Variants in SORBS2 observed in about 807,000 individuals in gnomAD.
SORBS2 encodes the protein sorbin and SH3 domain-containing protein 2.
In SORBS2, 46 loss-of-function variants were observed where a neutral mutation model predicts 97.7. That is an observed-to-expected ratio of 0.47 (90% CI 0.37 to 0.60). The LOEUF is 0.60. Ranked by LOEUF, SORBS2 falls within the 20% of genes least tolerant of loss-of-function variation. The pLI is 0.00. For missense variants in SORBS2, 1,316 were observed against 1,282.3 expected, an observed-to-expected ratio of 1.03 and a Z score of -0.40; for synonymous variants, 476 against 473.4, an observed-to-expected ratio of 1.01 and a Z score of -0.07.
chr4:185,898,543 T>C (rs1313487346), intron 1 of SORBS2, among the ~76,000 whole-genome samples: 2 of 152,200 alleles, frequency 1.3e-5, no homozygotes, highest in African/African-American at 4.8e-5. Context: ...TTGGAGGCAG[T>C]GTTGCTTGGG....
Position 185,614,821 on chromosome 4 carries a change from G to A in SORBS2, c.2595+10C>T, listed in dbSNP as rs780301779. On this transcript the variant is annotated intron_variant, in intron 11 of 14. Coordinates refer to ENST00000418609, the Ensembl canonical transcript of SORBS2. ...ACAAAAACAAACAAACAAAAAACCA[G>A]CTGGGCTACCTTTCTCAGTGACAGC... is the stretch of plus-strand genomic sequence containing the variant. The A allele has an allele frequency of 6.2e-7, 1 of 1,613,392 alleles. No individual in the cohort carries two copies. The highest frequency in any genetic ancestry group is 1.7e-5 in the Admixed American group (1 of 59,922).
chr4:185,589,827 C>G (rs369719481), intron 13 of SORBS2, 42 bp from the exon 26 acceptor site: 34 of 1,030,808 alleles, frequency 3.3e-5, no homozygotes, highest in African/African-American at 3.0e-4. Context: ...CATCTTGACA[C>G]CTTCATGAAA....
chr4:185,727,671 A>G (rs2098567804), intron 2 of SORBS2, among the ~76,000 whole-genome samples: 1 of 152,376 alleles, frequency 6.6e-6, no homozygotes, highest in African/African-American at 2.4e-5. Flanking sequence ...TTATTAAACC[A>G]TTTTGTAACA....
intron 2 of SORBS2, among the ~76,000 whole-genome samples, chr4:185,760,519 C>T (rs1011486845): frequency 6.6e-6 from 1 of 152,110 alleles, no homozygotes; most frequent in East Asian, 1.9e-4. Context: ...GCTGAGATCG[C>T]GCCATTGCGC....
intron 2 of SORBS2, among the ~76,000 whole-genome samples, chr4:185,747,652 T>C (rs2098771202): frequency 6.6e-6 from 1 of 152,140 alleles, no homozygotes; most frequent in Non-Finnish European, 1.5e-5. Flanking sequence ...GTCAGGGCAG[T>C]GGTTTCTCCT....
At chr4:185,628,079 C>T (rs1286283874) in intron 5 of SORBS2, among the ~76,000 whole-genome samples, 1 of 152,190 alleles carries the variant, frequency 6.6e-6, no homozygotes. Flanking sequence ...TGTATCCATT[C>T]ACCTATTGAA....
chr4:185,716,361 G>A (rs938396181), intron 2 of SORBS2, among the ~76,000 whole-genome samples: 2 of 152,152 alleles, frequency 1.3e-5, no homozygotes, highest in Admixed American at 6.5e-5. Flanking sequence ...GGATAACAAC[G>A]GTGCCAACCT....
chr4:185,725,447 C>T (rs1223770993), intron 2 of SORBS2, among the ~76,000 whole-genome samples: 2 of 152,150 alleles, frequency 1.3e-5, no homozygotes, highest in African/African-American at 4.8e-5. Flanking sequence ...ATTTAGCATC[C>T]CAATATAGAT....
At chr4:185,746,833 C>A (rs2098764116) in intron 2 of SORBS2, among the ~76,000 whole-genome samples, 1 of 152,196 alleles carries the variant, frequency 6.6e-6, no homozygotes, top group African/African-American at 2.4e-5. Context: ...TTTGTTGCAG[C>A]CTTGTTATGG....
chr4:185,657,532 G>A (rs755162093), upstream of SORBS2: 1 of 1,582,634 alleles, frequency 6.3e-7, no homozygotes. Flanking sequence ...ATCGGTACAG[G>A]GGGATAGAGC....
chr4:185,733,415 C>T lies in SORBS2; in HGVS notation c.-198+41812G>A, dbSNP rs374608359. Among the ~76,000 whole-genome samples the T allele has an allele frequency of 2.2e-4, 33 of 152,272 alleles. No homozygotes were observed. In the East Asian group the frequency reaches 5.6e-3, roughly 26 times the overall value. The stretch of plus-strand genomic sequence containing the variant: ...GGCCAGCGGGGGTCCGCCCACTGGC[C>T]CCGAAACAGCGAACAGTGACATTGG... On this transcript the variant is annotated intron_variant, in intron 2 of 20. Coordinates refer to the SORBS2 transcript ENST00000284776.
At chr4:185,675,800 C>T (rs1438898808) in intron 4 of SORBS2, among the ~76,000 whole-genome samples, 1 of 152,108 alleles carries the variant, frequency 6.6e-6, no homozygotes, top group African/African-American at 2.4e-5. Context: ...AGAAATTGCT[C>T]TACTGAACGA....
chr4:185,850,286 C>T (rs2099217105), intron 1 of SORBS2, among the ~76,000 whole-genome samples: 1 of 152,198 alleles, frequency 6.6e-6, no homozygotes, highest in South Asian at 2.1e-4. Context: ...CCTGAACTAT[C>T]CACATGCCAT....
intron 4 of SORBS2, among the ~76,000 whole-genome samples, chr4:185,663,534 A>G (rs1482176673): frequency 1.3e-5 from 2 of 152,254 alleles, no homozygotes; most frequent in African/African-American, 2.4e-5. Flanking sequence ...TGCTCCCTGG[A>G]GAGAGCTGGA....
intron 8 of SORBS2, 42 bp from the exon 21 acceptor site, chr4:185,618,673 A>T (rs1561444569): frequency 7.3e-7 from 1 of 1,361,404 alleles, no homozygotes; most frequent in Non-Finnish European, 1.0e-6. Context: ...TTAAAATTTG[A>T]ATTTTCTACA....
At chr4:185,746,710 C>A (rs918545307) in intron 2 of SORBS2, among the ~76,000 whole-genome samples, 8 of 152,316 alleles carry the variant, frequency 5.3e-5, no homozygotes, top group Middle Eastern at 3.4e-3. Context: ...CTGTGGTTGA[C>A]ACATGGTGAG....
chr4:185,789,847 T>C (rs576472363), intron 1 of SORBS2, among the ~76,000 whole-genome samples: 18 of 152,356 alleles, frequency 1.2e-4, no homozygotes, highest in African/African-American at 4.3e-4. Context: ...TTCTTGCTTC[T>C]TGACCATTTT....
At chr4:185,939,615 A>G (rs2099270848) in intron 1 of SORBS2, among the ~76,000 whole-genome samples, 1 of 151,982 alleles carries the variant, frequency 6.6e-6, no homozygotes, top group African/African-American at 2.4e-5. Context: ...GGTTCAAGCG[A>G]TTCTCCTGCC....
At chr4:185,730,948 A>G (rs1371171513) in intron 2 of SORBS2, among the ~76,000 whole-genome samples, 2 of 152,170 alleles carry the variant, frequency 1.3e-5, no homozygotes, top group African/African-American at 2.4e-5. Context: ...TAAAAAACCA[A>G]TGGTATCTAT....
Sources: gnomAD v4.1 joint callset for allele counts (sites outside exome capture counted in the v4.1 genomes callset) on GRCh38, gnomAD v4.1.1 for gene constraint, MANE v1.5 for transcripts, NCBI Gene and HGNC (gene_info 2026-07-23, HGNC 2026-07-21) for gene names.